MAP1S: variants seen among roughly 807,000 people sequenced by gnomAD.
The protein encoded by MAP1S is microtubule-associated protein 1S.
A neutral mutation model predicts 60.9 loss-of-function variants in MAP1S; 27 were observed. That is an observed-to-expected ratio of 0.44 (90% CI 0.33 to 0.61). The LOEUF is 0.61. MAP1S is among the 20% of genes least tolerant of loss of function. The pLI, the probability that MAP1S is intolerant of heterozygous loss-of-function variation, is 0.03. For missense variants in MAP1S, 1,608 were observed against 1,486.6 expected, an observed-to-expected ratio of 1.08 and a Z score of -1.34; for synonymous variants, 826 against 694.2, an observed-to-expected ratio of 1.19 and a Z score of -2.98.
intron 2 of MAP1S, among the ~76,000 whole-genome samples, chr19:17,723,258 T>C (rs1027444959): frequency 4.6e-5 from 7 of 152,140 alleles, no homozygotes; most frequent in Non-Finnish European, 8.8e-5. Flanking sequence ...GAAAAATAAA[T>C]GTGGCCGGAT....
intron 1 of MAP1S, chr19:17,720,324 A>G: frequency 6.7e-7 from 1 of 1,485,388 alleles, no homozygotes; most frequent in Non-Finnish European, 8.9e-7. Flanking sequence ...ACCTCGGTTC[A>G]TGTGCTTGAG....
In MAP1S at chr19:17,733,323, G is replaced by A. The variant is rs74830974; in HGVS notation, c.2919G>A (p.Ala973=). The A allele has an allele frequency of 5.2e-3, 8,431 of 1,606,782 alleles. 376 individuals carry two copies. The African/African-American group carries it at 0.098, about 19-fold the overall frequency. ...AGGAGTTCTTCCAGCGCGTGCGCGCGCTCTGCTACGTCATCAGTGGCCAGG... is the reference window on the plus strand; with the variant it reads ...AGGAGTTCTTCCAGCGCGTGCGCGCACTCTGCTACGTCATCAGTGGCCAGG... ...VDEEFFQRVR[A]LCYVISGQDQ... The change falls in exon 6 of 7, where the codon GCG becomes GCA. Residue 973 remains alanine, a synonymous_variant. Coordinates refer to ENST00000324096, the MANE Select transcript of MAP1S (RefSeq NM_018174.6).
Position 17,727,389 on chromosome 19 carries a change from T to G in MAP1S, c.2005T>G (p.Ser669Ala). The change falls in exon 5 of 7, where the codon TCA becomes GCA. Residue 669 changes from serine (S) to alanine (A), a missense_variant. By Grantham distance (99) the Ser-to-Ala change is moderately conservative. Coordinates refer to ENST00000324096, the MANE Select transcript of MAP1S (RefSeq NM_018174.6). The surrounding 1 kb of genome is among the most constrained non-coding windows in gnomAD (Gnocchi z 4.1). ...GGGCGGGGAGGCCGGGCCAGACGCCTCACCCACAGTGACCACACCCACGGT... is the reference window on the plus strand; with the variant it reads ...GGGCGGGGAGGCCGGGCCAGACGCCGCACCCACAGTGACCACACCCACGGT... ...LRGGEAGPDA[S>A]PTVTTPTVTT... 6.3e-7 allele frequency: 1 copy of G among 1,594,206 alleles called. No homozygotes were observed. The highest frequency in any genetic ancestry group is 8.5e-7 in the Non-Finnish European group (1 of 1,171,496).
chr19:17,724,671 A>G (rs577711717), intron 3 of MAP1S, among the ~76,000 whole-genome samples: 55 of 152,264 alleles, frequency 3.6e-4, no homozygotes, highest in African/African-American at 1.2e-3. Flanking sequence ...CCTTGGATCA[A>G]CTTTTCCCTT....
intron 1 of MAP1S, chr19:17,720,109 G>A: frequency 8.1e-7 from 1 of 1,234,066 alleles, no homozygotes; most frequent in Non-Finnish European, 1.0e-6. Context: ...GCTAATTGGG[G>A]TGTGGGCGGG....
chr19:17,724,421 A>C (rs2080399271), intron 3 of MAP1S, among the ~76,000 whole-genome samples: 1 of 150,124 alleles, frequency 6.7e-6, no homozygotes, highest in African/African-American at 2.4e-5. Flanking sequence ...TTTGGGAGGG[A>C]GGGGAGGGTA....
intron 3 of MAP1S, among the ~76,000 whole-genome samples, chr19:17,724,793 G>T (rs1215684716): frequency 6.6e-6 from 1 of 152,170 alleles, no homozygotes; most frequent in Non-Finnish European, 1.5e-5. Context: ...AGAGAGCCCA[G>T]AAAGGGCAAG....
In MAP1S at chr19:17,727,992, A is replaced by G; in HGVS notation, c.2608A>G (p.Asn870Asp). The change falls in exon 5 of 7, where the codon AAC becomes GAC. Residue 870 changes from asparagine (N) to aspartate (D), a missense_variant. By Grantham distance (23) the Asn-to-Asp change is conservative (BLOSUM62 1). Coordinates refer to ENST00000324096, the MANE Select transcript of MAP1S (RefSeq NM_018174.6). The surrounding 1 kb of genome is among the most constrained non-coding windows in gnomAD (Gnocchi z 4.1). Reference protein sequence around the residue: ...SRTRKPLARPNSRAAAPKATP... With the variant: ...SRTRKPLARPDSRAAAPKATP... Reference sequence around the variant, plus strand: ...CACCCGGAAGCCCCTGGCCCGCCCCAACTCACGCGCTGCCGCCCCCAAAGC... The same window carrying G: ...CACCCGGAAGCCCCTGGCCCGCCCCGACTCACGCGCTGCCGCCCCCAAAGC... 6.2e-7 allele frequency: 1 copy of G among 1,610,604 alleles called. No homozygotes were observed. Among genetic ancestry groups the G allele is most frequent in the Non-Finnish European group, 8.5e-7 (1 of 1,178,896 alleles).
chr19:17,726,005 G>A lies in MAP1S; in HGVS notation c.621G>A (p.Leu207=), dbSNP rs764932094. 1.2e-6 allele frequency: 2 copies of A among 1,612,584 alleles called. No homozygotes were observed. The highest frequency in any genetic ancestry group is 4.5e-5 in the East Asian group (2 of 44,836). ...CGCAGCTGCCCAACTCTGAGGGCCT[G>A]TGCGAATTCCTGGAGTACGTGGCTG... The part of the protein sequence containing the change: ...PPAQLPNSEG[L]CEFLEYVAES... Residue 207 remains leucine (L), a synonymous_variant, in exon 5 of 7, where the codon CTG becomes CTA. Coordinates refer to ENST00000324096, the MANE Select transcript of MAP1S (RefSeq NM_018174.6).
At position 17,727,023 on chromosome 19, in the gene MAP1S, T is replaced by C. The variant is rs2080436127; in HGVS notation, c.1639T>C (p.Ser547Pro). The C allele has an allele frequency of 2.5e-6, 4 of 1,599,990 alleles. No individual in the cohort carries two copies. The highest frequency in any genetic ancestry group is 2.7e-5 in the African/African-American group (2 of 74,676). Residue 547 changes from serine (S) to proline (P), a missense_variant, in exon 5 of 7, where the codon TCT becomes CCT. Coordinates refer to ENST00000324096, the MANE Select transcript of MAP1S (RefSeq NM_018174.6). The surrounding 1 kb of genome is among the most constrained non-coding windows in gnomAD (Gnocchi z 4.1). Reference sequence around the variant, plus strand: ...GCGGGAGGTGCGCCGGGCAGCCTCTTCTGTGCCCAACCTCAAGAAGACGAA... The same window carrying C: ...GCGGGAGGTGCGCCGGGCAGCCTCTCCTGTGCCCAACCTCAAGAAGACGAA... Reference protein sequence around the residue: ...QPREVRRAASSVPNLKKTNAQ... With the variant: ...QPREVRRAASPVPNLKKTNAQ...
At position 17,728,128 on chromosome 19, in the gene MAP1S, C is replaced by G; in HGVS notation, c.2744C>G (p.Ser915Cys). The change falls in exon 5 of 7, where the codon TCC becomes TGC. Residue 915 changes from serine (S) to cysteine (C), a missense_variant. By Grantham distance (112) the Ser-to-Cys change is moderately radical (BLOSUM62 -1). Around this residue, in one of 4 missense-constraint regions of MAP1S, gnomAD observed 1,167 missense variants for 961.4 expected, o/e 1.21. Coordinates refer to ENST00000324096, the MANE Select transcript of MAP1S (RefSeq NM_018174.6). ...GAGAAGGGAGGCCGGGCACCCCTGT[C>G]CAGAAAGTCCTCAACCCCCAAGACT... ...PSEKGGRAPL[S>C]RKSSTPKTAT... 1.2e-6 allele frequency: 2 copies of G among 1,609,720 alleles called. No individual in the cohort carries two copies. The highest frequency in any genetic ancestry group is 2.7e-5 in the African/African-American group (2 of 74,988).
Position 17,733,255 on chromosome 19 carries a change from C to T in MAP1S, c.2851C>T (p.Leu951=). The T allele has an allele frequency of 6.4e-7, 1 of 1,557,004 alleles. No homozygotes were observed. Among genetic ancestry groups the T allele is most frequent in the Non-Finnish European group, 8.7e-7 (1 of 1,151,320 alleles). ...TPPKSPVYLD[L]AYLPSGSSAH... ...ACCCAAGTCCCCGGTCTACCTGGACCTGGCCTACCTGCCCAGCGGGAGCAG... is the reference window on the plus strand; with the variant it reads ...ACCCAAGTCCCCGGTCTACCTGGACTTGGCCTACCTGCCCAGCGGGAGCAG... The change falls in exon 6 of 7, where the codon CTG becomes TTG. Residue 951 remains leucine (L), a synonymous_variant. Transcript: ENST00000324096.
chr19:17,729,877 G>A (rs753062637), intron 5 of MAP1S, among the ~76,000 whole-genome samples: 4 of 152,252 alleles, frequency 2.6e-5, no homozygotes, highest in African/African-American at 2.4e-5. Flanking sequence ...TGGTCAGGCC[G>A]GTCTCGAACT....
chr19:17,726,647 C>A lies in MAP1S; in HGVS notation c.1263C>A (p.Ala421=). ...SVCALLVWHP[A]GPGEKVVRVL... ...GCGCCCTGCTGGTGTGGCACCCCGC[C>A]GGCCCCGGCGAGAAGGTGGTGCGCG... The change falls in exon 5 of 7, where the codon GCC becomes GCA. Residue 421 remains alanine, a synonymous_variant. Transcript: ENST00000324096. 1 of 1,575,904 alleles carries A rather than the reference C, an allele frequency of 6.3e-7. No homozygotes were observed.
Position 17,726,149 on chromosome 19 carries a change from C to G in MAP1S, c.765C>G (p.Phe255Leu). The change falls in exon 5 of 7, where the codon TTC (phenylalanine) becomes TTG (leucine). Residue 255 changes from phenylalanine to leucine, a missense_variant. Coordinates refer to ENST00000324096, the MANE Select transcript of MAP1S (RefSeq NM_018174.6). ...IFPGGLGDAA[F>L]FAVNGFTVLV... The stretch of plus-strand genomic sequence containing the variant: ...CTGGAGGCCTCGGGGATGCCGCCTT[C>G]TTCGCCGTCAATGGCTTCACTGTGC... The G allele has an allele frequency of 6.2e-7, 1 of 1,613,926 alleles. No homozygotes were observed. The highest frequency in any genetic ancestry group is 1.1e-5 in the South Asian group (1 of 91,040).
In MAP1S at chr19:17,719,528, C is replaced by A; in HGVS notation, c.26C>A (p.Ala9Asp). 2.4e-6 allele frequency: 3 copies of A among 1,246,022 alleles called. No homozygotes were observed. The highest frequency in any genetic ancestry group is 3.0e-6 in the Non-Finnish European group (3 of 987,686). The allele number at this position is 1,246,022 out of a possible 1,614,324, so 77.2% of individuals were successfully genotyped here. The change falls in exon 1 of 7, where the codon GCT (alanine) becomes GAT (aspartate). Residue 9 changes from alanine to aspartate, a missense_variant. Physicochemically the swap from Ala to Asp is moderately radical, Grantham distance 126. Coordinates refer to ENST00000324096, the MANE Select transcript of MAP1S (RefSeq NM_018174.6). ...ATGGCGGCGGTGGCTGGATCTGGGGCTGCCGCGGCTCCGAGCTCACTGCTC... is the reference window on the plus strand; with the variant it reads ...ATGGCGGCGGTGGCTGGATCTGGGGATGCCGCGGCTCCGAGCTCACTGCTC... Reference protein sequence around the residue: MAAVAGSGAAAAPSSLLLV... With the variant: MAAVAGSGDAAAPSSLLLV...
At position 17,726,555 on chromosome 19, in the gene MAP1S, G is replaced by A; in HGVS notation, c.1171G>A (p.Gly391Ser). The change falls in exon 5 of 7, where the codon GGC becomes AGC. Residue 391 changes from glycine (G) to serine (S), a missense_variant. Transcript: ENST00000324096. ...CGTGCTCTTCGAGAAGATGGGCGTG[G>A]GCCGGCTGGACATGTATGTGCTGCA... is the stretch of plus-strand genomic sequence containing the variant. ...PTVLFEKMGV[G>S]RLDMYVLHPP... The A allele has an allele frequency of 6.4e-7, 1 of 1,573,380 alleles. No homozygotes were observed. Among genetic ancestry groups the A allele is most frequent in the Non-Finnish European group, 8.6e-7 (1 of 1,164,710 alleles).
rs866911641 is a variant in MAP1S at position 17,727,140 on chromosome 19, C to T, written c.1756C>T (p.Leu586Phe). 3 of 1,591,710 alleles carry T rather than the reference C, an allele frequency of 1.9e-6. No individual in the cohort carries two copies. The Middle Eastern group carries it at 5.0e-4, about 263-fold the overall frequency. ...VANGPRSPPSLRCGEASPPSA... is the reference protein window; with the variant it reads ...VANGPRSPPSFRCGEASPPSA... The stretch of plus-strand genomic sequence containing the variant: ...AAATGGACCCCGCAGCCCGCCCAGC[C>T]TCCGATGTGGAGAAGCCAGCCCCCC... Residue 586 changes from leucine (L) to phenylalanine (F), a missense_variant, in exon 5 of 7, where the codon CTC (leucine) becomes TTC (phenylalanine). By Grantham distance (22) the Leu-to-Phe change is conservative (BLOSUM62 0). Around this residue, in one of 4 missense-constraint regions of MAP1S, gnomAD observed 1,167 missense variants for 961.4 expected, o/e 1.21. Transcript: ENST00000324096. The surrounding 1 kb of genome is among the most constrained non-coding windows in gnomAD (Gnocchi z 4.1).
intron 1 of MAP1S, 41 bp from the exon 2 acceptor site, chr19:17,720,895 G>T (rs574867733): frequency 6.8e-7 from 1 of 1,473,848 alleles, no homozygotes; most frequent in African/African-American, 1.4e-5. Flanking sequence ...GGAGCTGGGG[G>T]GCCCGGCTGA....
Sources: allele counts gnomAD v4.1 joint callset (sites outside exome capture counted in the v4.1 genomes callset), GRCh38; gene constraint gnomAD v4.1.1; regional missense constraint gnomAD v4.1.1; non-coding constraint Gnocchi (gnomAD v3.1); transcripts MANE v1.5; gene names NCBI Gene and HGNC (gene_info 2026-07-23, HGNC 2026-07-21).